Variants in EVC observed in about 807,000 individuals in gnomAD.
The protein encoded by EVC is EvC ciliary complex subunit 1, also known as evC complex member EVC.
EVC carries 116 observed loss-of-function variants against 118.9 expected under a neutral mutation model. The ratio of observed to expected loss-of-function variants is 0.98; its 90% CI spans 0.84 to 1.14. EVC has a LOEUF of 1.14. EVC is among the 50% of genes most tolerant of loss of function. The pLI is 0.00. For synonymous variants in EVC, 619 were observed against 534.7 expected (o/e 1.16, Z -2.18); for missense variants, 1,401 against 1,246.4 (o/e 1.12, Z -1.87).
intron 16 of EVC, among the ~76,000 whole-genome samples, chr4:5,804,078 C>T (rs1234983717): frequency 6.6e-6 from 1 of 152,026 alleles, no homozygotes; most frequent in East Asian, 1.9e-4. Context: ...GCTGGGATTA[C>T]AGACACATGT....
chr4:5,759,472 C>G (rs1035814938), intron 11 of EVC, among the ~76,000 whole-genome samples: 6 of 151,968 alleles, frequency 3.9e-5, no homozygotes, highest in African/African-American at 1.2e-4. Flanking sequence ...TTTCCCCTGC[C>G]GGAGGTGAGC....
At position 5,742,197 on chromosome 4, in the gene EVC, G is replaced by C. The variant is rs1728703133; in HGVS notation, c.801+383G>C. Among the ~76,000 whole-genome samples, 1 of 150,662 alleles carries C rather than the reference G, an allele frequency of 6.6e-6. No individual in the cohort carries two copies. Among genetic ancestry groups the C allele is most frequent in the Non-Finnish European group, 1.5e-5 (1 of 67,356 alleles). ...TTTATTTTGTCTCAGGCGCAGCAAA[G>C]AGTCAGGGCTTGGAGTCAGACTGGT... On this transcript the variant is annotated intron_variant, in intron 6 of 20. Coordinates refer to ENST00000264956, the MANE Select transcript of EVC (RefSeq NM_153717.3). This position sits in a 1 kb window ranked among gnomAD's most constrained non-coding sequence, Gnocchi z 5.2.
intron 17 of EVC, 66 bp from the exon 18 acceptor site, chr4:5,808,132 TCCC>T: frequency 3.2e-5 from 15 of 464,706 alleles, no homozygotes; most frequent in Non-Finnish European, 4.1e-5. Context: ...GCCTTCCTTC[TCCC>T]TCCCTCCCTC....
the EVC span, among the ~76,000 whole-genome samples, chr4:5,823,928 T>G: frequency 1.3e-5 from 2 of 152,230 alleles, no homozygotes; most frequent in African/African-American, 4.8e-5. Flanking sequence ...GAGGTTGTTA[T>G]GATGTTGGAA....
At chr4:5,810,284 G>C (rs946960957) in intron 19 of EVC, 55 bp from the exon 20 acceptor site, 7 of 1,425,168 alleles carry the variant, frequency 4.9e-6, no homozygotes, top group Non-Finnish European at 6.9e-6. Flanking sequence ...GCTGCAAGAA[G>C]TTGTCACTTG....
At chr4:5,741,022 A>G (rs1728484238) in intron 5 of EVC, among the ~76,000 whole-genome samples, 1 of 152,220 alleles carries the variant, frequency 6.6e-6, no homozygotes, top group Non-Finnish European at 1.5e-5. Flanking sequence ...GCCATACTGG[A>G]AAACGTTTTG....
At chr4:5,721,723 T>C (rs1395508450) in intron 2 of EVC, among the ~76,000 whole-genome samples, 2 of 152,074 alleles carry the variant, frequency 1.3e-5, no homozygotes, top group East Asian at 3.9e-4. Flanking sequence ...AAAAATCAGC[T>C]GGGTGTGGTG....
intron 1 of EVC, among the ~76,000 whole-genome samples, chr4:5,711,822 T>C (rs1723080517): frequency 6.6e-6 from 1 of 152,164 alleles, no homozygotes; most frequent in South Asian, 2.1e-4. Context: ...CACGCCTCGG[T>C]CTCCTCATCT....
At chr4:5,815,838 T>G (rs1363430807), downstream of EVC, among the ~76,000 whole-genome samples, 1 of 152,136 alleles carries the variant, frequency 6.6e-6, no homozygotes, top group African/African-American at 2.4e-5. Context: ...ACCTGGCATA[T>G]AACAGGCATT....
chr4:5,798,809 G>C lies in EVC; in HGVS notation c.2304+17G>C, dbSNP rs750772945. The stretch of plus-strand genomic sequence containing the variant: ...GACTTCAAGGTATGCACTGACCTCT[G>C]TCCCTGGGGACACCGAGGGCAAGAA... On this transcript the variant is annotated intron_variant, in intron 15 of 20. Coordinates refer to ENST00000264956, the MANE Select transcript of EVC (RefSeq NM_153717.3). This position sits in a 1 kb window ranked among gnomAD's most constrained non-coding sequence, Gnocchi z 4.1. 1 of 1,608,282 alleles carries C rather than the reference G, an allele frequency of 6.2e-7. No individual in the cohort carries two copies. The highest frequency in any genetic ancestry group is 8.5e-7 in the Non-Finnish European group (1 of 1,178,768).
At chr4:5,733,276 A>T in intron 4 of EVC, 75 bp from the exon 5 acceptor site, 1 of 1,212,760 alleles carries the variant, frequency 8.2e-7, no homozygotes. Context: ...TGTACTGATG[A>T]GGGACGTGCC....
intron 18 of EVC, among the ~76,000 whole-genome samples, chr4:5,808,916 C>A (rs1467549963): frequency 1.3e-5 from 2 of 152,182 alleles, no homozygotes; most frequent in African/African-American, 4.8e-5. Flanking sequence ...TCAGAGTGTT[C>A]TCCACTGGCG....
chr4:5,736,976 G>C (rs1376853650), intron 5 of EVC, among the ~76,000 whole-genome samples: 2 of 152,214 alleles, frequency 1.3e-5, no homozygotes, highest in South Asian at 2.1e-4. Flanking sequence ...CTAAAGCTGA[G>C]ATAGGCTGAA....
chr4:5,721,126 C>T (rs1167457639), intron 2 of EVC, among the ~76,000 whole-genome samples: 1 of 152,178 alleles, frequency 6.6e-6, no homozygotes. Context: ...CCCCTCCTCT[C>T]TCTCTACTGC....
chr4:5,826,649 A>G, the EVC span: 1 of 152,252 alleles, frequency 6.6e-6, no homozygotes, highest in Non-Finnish European at 1.5e-5. Flanking sequence ...TTGGGAGGGC[A>G]CCTGCTCCAG....
At chr4:5,825,567 T>G in the EVC span, 5 of 1,599,232 alleles carry the variant, frequency 3.1e-6, no homozygotes, top group Non-Finnish European at 4.3e-6. This position sits in a 1 kb window ranked among gnomAD's most constrained non-coding sequence, Gnocchi z 4.4. Context: ...AAGATTTGGC[T>G]GAAGGAGCGG....
chr4:5,803,896 C>T (rs916245287), intron 16 of EVC, among the ~76,000 whole-genome samples: 1 of 151,320 alleles, frequency 6.6e-6, no homozygotes, highest in Non-Finnish European at 1.5e-5. Flanking sequence ...AATAATTATA[C>T]TGGGATGACA....
chr4:5,741,466 A>G (rs1231076841), intron 5 of EVC, among the ~76,000 whole-genome samples: 1 of 152,240 alleles, frequency 6.6e-6, no homozygotes, highest in Non-Finnish European at 1.5e-5. Context: ...TTTGTTGAAT[A>G]CATGCATGAG....
chr4:5,783,520 C>T, intron 11 of EVC, 32 bp from the exon 12 acceptor site: 1 of 1,610,862 alleles, frequency 6.2e-7, no homozygotes, highest in South Asian at 1.1e-5. Flanking sequence ...CCTGCCGTGA[C>T]CTGTAACCCC....
Sources: gnomAD v4.1 joint callset for allele counts (sites outside exome capture counted in the v4.1 genomes callset) on GRCh38, gnomAD v4.1.1 for gene constraint, Gnocchi (gnomAD v3.1) non-coding constraint, MANE v1.5 for transcripts, NCBI Gene and HGNC (gene_info 2026-07-23, HGNC 2026-07-21) for gene names.